SHROOM2: variants seen among roughly 807,000 people sequenced by gnomAD.
SHROOM2 encodes the protein protein Shroom2.
A neutral mutation model predicts 75.9 loss-of-function variants in SHROOM2; 33 were observed. The observed-to-expected ratio is 0.43, with a 90% confidence interval of 0.33 to 0.58. SHROOM2 has a LOEUF of 0.58. Among genes scored for constraint, SHROOM2 ranks in the 20% least tolerant of loss-of-function variants. SHROOM2 has a pLI of 0.04. For missense variants in SHROOM2, 1,434 were observed against 1,461.2 expected (o/e 0.98, Z 0.30); for synonymous variants, 655 against 663.6 (o/e 0.99, Z 0.20).
At chrX:9,824,973 A>G (rs753612883) in intron 1 of SHROOM2, among the ~76,000 whole-genome samples, 98 of 111,518 alleles carry the variant, frequency 8.8e-4, no homozygotes, top group African/African-American at 3.0e-3. Context: ...AGGGGGTGGC[A>G]GGGGTGCTGG....
chrX:9,936,543 C>T (rs936365930), intron 6 of SHROOM2, among the ~76,000 whole-genome samples: 1 of 111,801 alleles, frequency 8.9e-6, no homozygotes, highest in African/African-American at 3.3e-5. Context: ...GCACAGCGGG[C>T]GGGGGGTACA....
rs1220593200 is a variant in SHROOM2, at chrX:9,948,480, T to C, written c.*1543T>C. 1.8e-5 allele frequency: 2 copies of C among 112,811 alleles called. No individual in the cohort carries two copies. Among genetic ancestry groups the C allele is most frequent in the Non-Finnish European group, 3.7e-5 (2 of 53,341 alleles). The allele number at this position is 112,811 out of a possible 1,213,427, so 9.3% of individuals were successfully genotyped here. A position where few individuals can be genotyped will look rare whatever the true frequency, so the allele number is the denominator to read the frequency against. Reference sequence around the variant, plus strand: ...AGAAGTTTTCCAGTGGAATGGAGATTTCATTTTGTCAGCAGCAGTGACCAC... The same window carrying C: ...AGAAGTTTTCCAGTGGAATGGAGATCTCATTTTGTCAGCAGCAGTGACCAC... On this transcript the variant is annotated 3_prime_UTR_variant, in exon 10 of 10. Coordinates refer to ENST00000380913, the MANE Select transcript of SHROOM2 (RefSeq NM_001649.4).
chrX:9,869,717 C>G (rs2084161539), intron 1 of SHROOM2, among the ~76,000 whole-genome samples: 1 of 112,112 alleles, frequency 8.9e-6, no homozygotes, highest in Non-Finnish European at 1.9e-5. Flanking sequence ...ATCCATTCAC[C>G]TGTTGATTGA....
At chrX:9,833,117 G>C (rs1381788260) in intron 1 of SHROOM2, among the ~76,000 whole-genome samples, 1 of 111,352 alleles carries the variant, frequency 9.0e-6, no homozygotes, top group African/African-American at 3.3e-5. Context: ...CTGTTGACTA[G>C]GAAATGACAG....
intron 6 of SHROOM2, among the ~76,000 whole-genome samples, chrX:9,936,296 G>A (rs764725609): frequency 9.1e-6 from 1 of 109,865 alleles, no homozygotes; most frequent in South Asian, 3.9e-4. Flanking sequence ...ATTTTTAGTA[G>A]AGACAGGGTT....
Position 9,943,957 on chromosome X carries a change from G to C in SHROOM2, c.4312-684G>C, listed in dbSNP as rs182004160. 6.2e-3 allele frequency among the ~76,000 whole-genome samples: 686 copies of C among 110,568 alleles called. 7 individuals carry two copies. The highest frequency in any genetic ancestry group is 0.022 in the African/African-American group (662 of 30,350). ...AGCACTTTGGGAGGCCAAGGCGGGTGGATCACCTGAGGTCAGGAGTTCAAG... is the reference window on the plus strand; with the variant it reads ...AGCACTTTGGGAGGCCAAGGCGGGTCGATCACCTGAGGTCAGGAGTTCAAG... On this transcript the variant is annotated intron_variant, in intron 8 of 9. Coordinates refer to ENST00000380913, the MANE Select transcript of SHROOM2 (RefSeq NM_001649.4).
intron 1 of SHROOM2, among the ~76,000 whole-genome samples, chrX:9,838,123 C>T (rs1281957892): frequency 3.0e-5 from 3 of 99,702 alleles, no homozygotes; most frequent in Admixed American, 1.1e-4. Flanking sequence ...TGCAGTGGCA[C>T]GATCTCGGCT....
intron 5 of SHROOM2, among the ~76,000 whole-genome samples, chrX:9,918,140 A>C (rs2084507953): frequency 8.9e-6 from 1 of 112,516 alleles, no homozygotes; most frequent in Non-Finnish European, 1.9e-5. Context: ...TCTTCAGGTG[A>C]CATCAGTGTG....
In SHROOM2 at chrX:9,830,584, C is replaced by CTTTTTTTTT. The variant is rs1166769024; in HGVS notation, c.166-43042_166-43034dup. On this transcript the variant is annotated intron_variant, in intron 1 of 9. Coordinates refer to ENST00000380913, the MANE Select transcript of SHROOM2 (RefSeq NM_001649.4). ...AGGGTCTCAAGTGAACCCCTGGTTT[C>CTTTTTTTTT]TTTTTTTTTTTTTTTTTTTTTTTTT... Among the ~76,000 whole-genome samples the CTTTTTTTTT allele has an allele frequency of 1.2e-3, 42 of 33,648 alleles. 2 individuals carry two copies. The highest frequency in any genetic ancestry group is 1.4e-3 in the Non-Finnish European group (29 of 20,507). 29.2% of individuals were successfully genotyped at this position (33,648 alleles called of 115,157 possible).
intron 1 of SHROOM2, among the ~76,000 whole-genome samples, chrX:9,802,683 A>G (rs2083729976): frequency 9.0e-6 from 1 of 111,641 alleles, no homozygotes; most frequent in African/African-American, 3.3e-5. Flanking sequence ...CTGGCATGTA[A>G]TAGATCCTCA....
chrX:9,890,680 T>C (rs182430045), intron 2 of SHROOM2, among the ~76,000 whole-genome samples: 88 of 112,042 alleles, frequency 7.9e-4, no homozygotes, highest in African/African-American at 2.7e-3. Flanking sequence ...ACGCGTGCGC[T>C]GCGTGCGGTC....
chrX:9,849,660 C>G (rs1330942365), intron 1 of SHROOM2, among the ~76,000 whole-genome samples: 1 of 111,445 alleles, frequency 9.0e-6, no homozygotes, highest in South Asian at 3.8e-4. Flanking sequence ...TGAGCACCCC[C>G]ACCACCACAC....
At chrX:9,798,710 ACAGG>A (rs907164833) in intron 1 of SHROOM2, among the ~76,000 whole-genome samples, 5 of 112,342 alleles carry the variant, frequency 4.5e-5, no homozygotes, top group African/African-American at 1.6e-4. Context: ...GTTTTTCTAG[ACAGG>A]CATATTTTTA....
In SHROOM2 at chrX:9,863,912, C is replaced by G. The variant is rs149732108; in HGVS notation, c.166-9740C>G. 2.1e-3 allele frequency among the ~76,000 whole-genome samples: 233 copies of G among 111,581 alleles called. 1 individual carries two copies. Among genetic ancestry groups the G allele is most frequent in the African/African-American group, 7.0e-3 (215 of 30,742 alleles). Reference sequence around the variant, plus strand: ...GTGTATCCTGTTGTTAATGTCCTTACAGAAAATCTAAAGAGCTGTGTCATT... The same window carrying G: ...GTGTATCCTGTTGTTAATGTCCTTAGAGAAAATCTAAAGAGCTGTGTCATT... On this transcript the variant is annotated intron_variant, in intron 1 of 9. Coordinates refer to ENST00000380913, the MANE Select transcript of SHROOM2 (RefSeq NM_001649.4).
At chrX:9,849,660 C>A (rs1330942365) in intron 1 of SHROOM2, among the ~76,000 whole-genome samples, 1 of 111,445 alleles carries the variant, frequency 9.0e-6, no homozygotes, top group Non-Finnish European at 1.9e-5. Context: ...TGAGCACCCC[C>A]ACCACCACAC....
At chrX:9,799,122 G>T (rs943697975) in intron 1 of SHROOM2, among the ~76,000 whole-genome samples, 1 of 106,558 alleles carries the variant, frequency 9.4e-6, no homozygotes, top group African/African-American at 3.5e-5. Flanking sequence ...GTACCCTGAG[G>T]CAGGAACTTG....
intron 9 of SHROOM2, among the ~76,000 whole-genome samples, chrX:9,946,359 T>C (rs746668811): frequency 1.4e-4 from 16 of 112,697 alleles, no homozygotes; most frequent in Non-Finnish European, 3.0e-4. Context: ...TCGTTGTGAG[T>C]CCCTTGGTGA....
rs371670140 is a variant in SHROOM2 at position 9,895,666 on chromosome X, G to A, written c.1758G>A (p.Leu586=). 3.4e-6 allele frequency: 4 copies of A among 1,172,423 alleles called. No individual in the cohort carries two copies. Among genetic ancestry groups the A allele is most frequent in the Non-Finnish European group, 4.5e-6 (4 of 879,631 alleles). ...GGATCTGCCCGCAGGAGACGCCCCT[G>A]TTGCACTCCCTGACCCAGGAGGGGA... ...SSRICPQETP[L]LHSLTQEGKR... The change falls in exon 4 of 10, where the codon CTG becomes CTA. Residue 586 remains leucine (L), a synonymous_variant. Coordinates refer to ENST00000380913, the MANE Select transcript of SHROOM2 (RefSeq NM_001649.4).
intron 1 of SHROOM2, among the ~76,000 whole-genome samples, chrX:9,806,926 G>A (rs2083756399): frequency 9.0e-6 from 1 of 111,651 alleles, no homozygotes; most frequent in South Asian, 3.7e-4. Flanking sequence ...CTTTCACCAT[G>A]TTAGCCAGGC....
Sources: gnomAD v4.1 joint callset for allele counts (sites outside exome capture counted in the v4.1 genomes callset) on GRCh38, gnomAD v4.1.1 for gene constraint, MANE v1.5 for transcripts, NCBI Gene and HGNC (gene_info 2026-07-23, HGNC 2026-07-21) for gene names.